Variants in CDIN1 observed in about 807,000 individuals in gnomAD.
The protein encoded by CDIN1 is CDAN1 interacting nuclease 1, also known as CDAN1-interacting nuclease 1.
In CDIN1, 33 loss-of-function variants were observed where a neutral mutation model predicts 45.3. The ratio of observed to expected loss-of-function variants is 0.73; its 90% CI spans 0.55 to 0.97. The LOEUF is 0.97. Ranked by LOEUF, CDIN1 falls within the 50% of genes least tolerant of loss-of-function variation. The pLI is 0.00. For missense variants in CDIN1, 303 were observed against 339.4 expected, an observed-to-expected ratio of 0.89 and a Z score of 0.84; for synonymous variants, 118 against 124.4, an observed-to-expected ratio of 0.95 and a Z score of 0.34.
chr15:36,729,149 T>A (rs2043750384), intron 10 of CDIN1, among the ~76,000 whole-genome samples: 2 of 152,334 alleles, frequency 1.3e-5, no homozygotes, highest in Admixed American at 6.5e-5. Context: ...GATAGACTTT[T>A]TTCTCTTTAT....
At chr15:36,660,089 C>T (rs761225736) in intron 5 of CDIN1, among the ~76,000 whole-genome samples, 20 of 151,128 alleles carry the variant, frequency 1.3e-4, no homozygotes, top group Non-Finnish European at 1.9e-4. Context: ...CACATGGCTC[C>T]GCAGTCAAAT....
rs148947502 is a variant in CDIN1, at chr15:36,797,783, G to C, written c.717-10541G>C. 7.1e-3 allele frequency among the ~76,000 whole-genome samples: 1,072 copies of C among 151,960 alleles called. 20 individuals are homozygous for C. The highest frequency in any genetic ancestry group is 7.9e-3 in the Non-Finnish European group (537 of 67,964). On this transcript the variant is annotated intron_variant, in intron 10 of 10. Transcript: ENST00000566621. Reference sequence around the variant, plus strand: ...TCACCTGAGGTGAGGCGTTCAAGACGAGCCTTGCCAACATGGTGAAACCCC... The same window carrying C: ...TCACCTGAGGTGAGGCGTTCAAGACCAGCCTTGCCAACATGGTGAAACCCC...
chr15:36,635,534 AG>A (rs1183960016), intron 1 of CDIN1, among the ~76,000 whole-genome samples: 1 of 152,178 alleles, frequency 6.6e-6, no homozygotes, highest in African/African-American at 2.4e-5. Flanking sequence ...TGGGGGTCCT[AG>A]AATCAATCCC....
chr15:36,581,643 C>T (rs975502600), intron 1 of CDIN1, among the ~76,000 whole-genome samples: 9 of 152,054 alleles, frequency 5.9e-5, no homozygotes, highest in Admixed American at 5.9e-4. Context: ...TTTGGGAGGC[C>T]GAGATGGGAG....
At chr15:36,642,908 G>T (rs559066924) in intron 1 of CDIN1, among the ~76,000 whole-genome samples, 1 of 152,228 alleles carries the variant, frequency 6.6e-6, no homozygotes, top group East Asian at 1.9e-4. Context: ...TTTATTAAGG[G>T]TTTACAAAGA....
chr15:36,644,466 CGGT>C (rs1178591582), intron 2 of CDIN1, 143 bp downstream of exon 2: 2 of 775,766 alleles, frequency 2.6e-6, no homozygotes, highest in Non-Finnish European at 2.0e-6. Context: ...GCCTGCGTCT[CGGT>C]GGAGGCCTGC....
At chr15:36,803,981 G>A (rs1383036357) in intron 10 of CDIN1, among the ~76,000 whole-genome samples, 1 of 152,102 alleles carries the variant, frequency 6.6e-6, no homozygotes, top group Non-Finnish European at 1.5e-5. Context: ...TTAGTAAACC[G>A]ATCACTACCT....
At chr15:36,633,734 T>G (rs907652770) in intron 1 of CDIN1, among the ~76,000 whole-genome samples, 1 of 151,852 alleles carries the variant, frequency 6.6e-6, no homozygotes, top group Non-Finnish European at 1.5e-5. Context: ...TTATTTACAC[T>G]ATCATTCCAC....
At chr15:36,760,865 A>C (rs2053742020) in intron 10 of CDIN1, among the ~76,000 whole-genome samples, 1 of 152,228 alleles carries the variant, frequency 6.6e-6, no homozygotes, top group African/African-American at 2.4e-5. Context: ...ACATATTTGT[A>C]AACTGCCTGT....
intron 10 of CDIN1, among the ~76,000 whole-genome samples, chr15:36,796,745 C>A (rs1288612857): frequency 6.6e-6 from 1 of 152,220 alleles, no homozygotes; most frequent in Admixed American, 6.5e-5. Context: ...CTAAACAGAG[C>A]ATCCCTCTTC....
chr15:36,719,962 C>T (rs1317397498), intron 10 of CDIN1, among the ~76,000 whole-genome samples: 1 of 151,934 alleles, frequency 6.6e-6, no homozygotes, highest in Admixed American at 6.6e-5. Flanking sequence ...AGATATGTCT[C>T]CTTTCTAATT....
At chr15:36,634,647 A>G (rs1328993131) in intron 1 of CDIN1, among the ~76,000 whole-genome samples, 2 of 152,112 alleles carry the variant, frequency 1.3e-5, no homozygotes, top group Non-Finnish European at 2.9e-5. Context: ...GTAGAAAGCC[A>G]TCTCATCTGC....
At chr15:36,787,191 C>T (rs912948730) in intron 10 of CDIN1, among the ~76,000 whole-genome samples, 1 of 152,122 alleles carries the variant, frequency 6.6e-6, no homozygotes, top group African/African-American at 2.4e-5. Context: ...CTAGGGAAGC[C>T]CTGAAGTACC....
chr15:36,586,443 G>A (rs1276479876), intron 1 of CDIN1, among the ~76,000 whole-genome samples: 1 of 152,130 alleles, frequency 6.6e-6, no homozygotes, highest in East Asian at 1.9e-4. Flanking sequence ...ACCATTTTAT[G>A]TGAAACGAAC....
intron 10 of CDIN1, among the ~76,000 whole-genome samples, chr15:36,785,539 C>T (rs949579173): frequency 6.6e-6 from 1 of 152,174 alleles, no homozygotes; most frequent in African/African-American, 2.4e-5. Flanking sequence ...TACACTGATA[C>T]ACACATTCAC....
At chr15:36,748,739 G>A (rs2053368755) in intron 10 of CDIN1, among the ~76,000 whole-genome samples, 1 of 152,126 alleles carries the variant, frequency 6.6e-6, no homozygotes, top group Non-Finnish European at 1.5e-5. Context: ...CAAAGCAAAA[G>A]TGCATTTACT....
chr15:36,656,915 T>C (rs937983372), intron 4 of CDIN1, among the ~76,000 whole-genome samples: 2 of 152,124 alleles, frequency 1.3e-5, no homozygotes, highest in African/African-American at 4.8e-5. Context: ...GGTGATAATA[T>C]ATGAGGAATG....
chr15:36,613,227 G>A (rs928990558), intron 1 of CDIN1, among the ~76,000 whole-genome samples: 2 of 152,196 alleles, frequency 1.3e-5, no homozygotes, highest in African/African-American at 2.4e-5. Context: ...TAAAATGGAT[G>A]TGTGTGTTTG....
chr15:36,658,766 A>G (rs2040877324), intron 5 of CDIN1, among the ~76,000 whole-genome samples: 2 of 152,230 alleles, frequency 1.3e-5, no homozygotes, highest in South Asian at 4.1e-4. Context: ...AACATCATTC[A>G]GTAGTACATG....
Sources: allele counts gnomAD v4.1 joint callset (sites outside exome capture counted in the v4.1 genomes callset), GRCh38; gene constraint gnomAD v4.1.1; transcripts MANE v1.5; gene names NCBI Gene and HGNC (gene_info 2026-07-23, HGNC 2026-07-21).